Variants in CNTNAP5 observed in about 807,000 individuals in gnomAD.
The protein encoded by CNTNAP5 is contactin associated protein family member 5, also known as contactin-associated protein-like 5.
CNTNAP5 carries 72 observed loss-of-function variants against 150.2 expected under a neutral mutation model. That is an observed-to-expected ratio of 0.48 (90% CI 0.40 to 0.58). The LOEUF (loss-of-function observed/expected upper bound fraction) is 0.58. Among genes scored for constraint, CNTNAP5 ranks in the 20% least tolerant of loss-of-function variants. The pLI is 0.00. For synonymous variants in CNTNAP5, 672 were observed against 619.8 expected (o/e 1.08, Z -1.25); for missense variants, 1,636 against 1,626.2 (o/e 1.01, Z -0.10).
chr2:124,450,896 G>A (rs2104810305), intron 6 of CNTNAP5, among the ~76,000 whole-genome samples: 1 of 150,530 alleles, frequency 6.6e-6, no homozygotes, highest in African/African-American at 2.4e-5. Context: ...AGTCAGGCGT[G>A]GTGTTTTTTC....
Position 124,276,237 on chromosome 2 carries a change from G to T in CNTNAP5, c.381+33844G>T, listed in dbSNP as rs139891305. On this transcript the variant is annotated intron_variant, in intron 3 of 23. Transcript: ENST00000682447. ...TACAAGTCTAAAGTTAACAATTTCAGAGGAAATAAGAAATAAAGAGGAAAG... is the reference window on the plus strand; with the variant it reads ...TACAAGTCTAAAGTTAACAATTTCATAGGAAATAAGAAATAAAGAGGAAAG... 9.4e-4 allele frequency among the ~76,000 whole-genome samples: 143 copies of T among 152,228 alleles called. 3 individuals are homozygous for T. The East Asian group carries it at 0.022, about 23-fold the overall frequency.
At chr2:124,385,088 T>C (rs891522184) in intron 3 of CNTNAP5, among the ~76,000 whole-genome samples, 2 of 152,212 alleles carry the variant, frequency 1.3e-5, no homozygotes, top group African/African-American at 4.8e-5. Flanking sequence ...AGAGGTCCTC[T>C]ACCATACCTC....
intron 1 of CNTNAP5, among the ~76,000 whole-genome samples, chr2:124,174,659 A>T (rs1317908286): frequency 1.3e-5 from 2 of 152,352 alleles, no homozygotes; most frequent in Middle Eastern, 3.4e-3. Flanking sequence ...TTGAGATGGC[A>T]TCCACTCCTG....
intron 19 of CNTNAP5, among the ~76,000 whole-genome samples, chr2:124,841,827 G>C (rs972548852): frequency 6.6e-6 from 1 of 152,098 alleles, no homozygotes; most frequent in Non-Finnish European, 1.5e-5. Context: ...GTGAGCATGA[G>C]CTCCTTGTTA....
intron 3 of CNTNAP5, among the ~76,000 whole-genome samples, chr2:124,311,575 T>G (rs557060272): frequency 6.6e-6 from 1 of 152,200 alleles, no homozygotes; most frequent in Non-Finnish European, 1.5e-5. Context: ...TATGTTCACA[T>G]TGGGGGCTAA....
At chr2:124,621,949 C>G (rs1304764439) in intron 12 of CNTNAP5, among the ~76,000 whole-genome samples, 1 of 151,450 alleles carries the variant, frequency 6.6e-6, no homozygotes, top group Non-Finnish European at 1.5e-5. Context: ...ACTCTACTTT[C>G]TTTTTTTTTC....
chr2:124,195,147 A>G (rs1685553769), intron 1 of CNTNAP5, among the ~76,000 whole-genome samples: 1 of 152,216 alleles, frequency 6.6e-6, no homozygotes, highest in Admixed American at 6.5e-5. Flanking sequence ...TTCACTGAAC[A>G]TTTATTACTC....
chr2:124,047,714 T>C (rs1379352546), intron 1 of CNTNAP5, among the ~76,000 whole-genome samples: 1 of 152,214 alleles, frequency 6.6e-6, no homozygotes, highest in Non-Finnish European at 1.5e-5. Flanking sequence ...GACTCAGCTG[T>C]AAATGGTTCA....
At chr2:124,746,853 A>G (rs1290999259) in intron 13 of CNTNAP5, among the ~76,000 whole-genome samples, 5 of 152,202 alleles carry the variant, frequency 3.3e-5, no homozygotes, top group African/African-American at 7.2e-5. Context: ...GTAAGAATTC[A>G]AGTTTACGAC....
chr2:124,288,701 G>A (rs1330841555), intron 3 of CNTNAP5, among the ~76,000 whole-genome samples: 1 of 151,982 alleles, frequency 6.6e-6, no homozygotes, highest in East Asian at 1.9e-4. Flanking sequence ...TCCCTTCTAT[G>A]GGTTTATTTC....
At chr2:124,632,404 G>A (rs538588205) in intron 12 of CNTNAP5, among the ~76,000 whole-genome samples, 1 of 152,168 alleles carries the variant, frequency 6.6e-6, no homozygotes, top group South Asian at 2.1e-4. Context: ...TCCTTTGCAG[G>A]GACACGAATG....
At chr2:124,713,303 TC>T (rs1440348843) in intron 13 of CNTNAP5, among the ~76,000 whole-genome samples, 1 of 99,082 alleles carries the variant, frequency 1.0e-5, no homozygotes, top group Non-Finnish European at 2.3e-5. Flanking sequence ...CTTTCTTTCT[TC>T]TTTCTCTTTC....
intron 3 of CNTNAP5, among the ~76,000 whole-genome samples, chr2:124,266,128 G>A (rs1687601117): frequency 6.6e-6 from 1 of 152,088 alleles, no homozygotes; most frequent in Admixed American, 6.6e-5. Context: ...CCATAAGACT[G>A]ATGATATGTT....
chr2:124,183,795 T>A (rs1379402187), intron 1 of CNTNAP5, among the ~76,000 whole-genome samples: 1 of 152,140 alleles, frequency 6.6e-6, no homozygotes, highest in Non-Finnish European at 1.5e-5. Context: ...AGAAGAAAGA[T>A]AACGTCCACC....
chr2:124,320,463 C>A (rs1689071863), intron 3 of CNTNAP5, among the ~76,000 whole-genome samples: 2 of 152,160 alleles, frequency 1.3e-5, no homozygotes, highest in African/African-American at 4.8e-5. Flanking sequence ...CAGACATCTG[C>A]AAGGCCCCAA....
At chr2:124,875,260 G>A (rs566553156) in intron 21 of CNTNAP5, among the ~76,000 whole-genome samples, 16 of 152,092 alleles carry the variant, frequency 1.1e-4, no homozygotes, top group African/African-American at 3.9e-4. Context: ...TTTATAGAAA[G>A]CACAGAAGAA....
intron 21 of CNTNAP5, among the ~76,000 whole-genome samples, chr2:124,891,825 A>T (rs1049061027): frequency 1.3e-5 from 2 of 152,174 alleles, no homozygotes; most frequent in African/African-American, 4.8e-5. Flanking sequence ...AATTAGAAAC[A>T]GTACATTTCC....
At chr2:124,350,568 A>C (rs1264064940) in intron 3 of CNTNAP5, among the ~76,000 whole-genome samples, 4 of 151,932 alleles carry the variant, frequency 2.6e-5, no homozygotes, top group Non-Finnish European at 5.9e-5. Context: ...ACTTCAGAAA[A>C]ATTTAAAATC....
chr2:124,904,068 A>C (rs577065442), intron 22 of CNTNAP5, among the ~76,000 whole-genome samples: 3 of 151,028 alleles, frequency 2.0e-5, no homozygotes, highest in Non-Finnish European at 3.0e-5. Flanking sequence ...AAAAAAACAA[A>C]AAAAAAAAAA....
Sources: allele counts gnomAD v4.1 joint callset (sites outside exome capture counted in the v4.1 genomes callset), GRCh38; gene constraint gnomAD v4.1.1; transcripts MANE v1.5; gene names NCBI Gene and HGNC (gene_info 2026-07-23, HGNC 2026-07-21).